KHDRBS2: variants seen among roughly 807,000 people sequenced by gnomAD.
The protein encoded by KHDRBS2 is KH RNA binding domain containing, signal transduction associated 2.
Under a neutral mutation model 44.3 loss-of-function variants are expected in KHDRBS2, and 26 were observed. The observed-to-expected ratio is 0.59, with a 90% CI of 0.43 to 0.81. The LOEUF is 0.81. KHDRBS2 is among the 40% of genes least tolerant of loss of function. The probability of loss-of-function intolerance (pLI) is 0.00; values close to 1 mark genes in which losing one functional copy is unlikely to be tolerated. For missense variants in KHDRBS2, 476 were observed against 433.1 expected (o/e 1.10, Z -0.88); for synonymous variants, 194 against 151.1 (o/e 1.28, Z -2.08).
intron 6 of KHDRBS2, among the ~76,000 whole-genome samples, chr6:61,892,319 A>G (rs1455464578): frequency 6.6e-6 from 1 of 152,222 alleles, no homozygotes; most frequent in Non-Finnish European, 1.5e-5. Flanking sequence ...GAAAATGGCC[A>G]TACTGTCCAA....
the KHDRBS2 span, among the ~76,000 whole-genome samples, chr6:61,572,543 C>T: frequency 6.6e-6 from 1 of 152,140 alleles, no homozygotes; most frequent in East Asian, 1.9e-4. Flanking sequence ...ATCAATATCC[C>T]TGATGAATAC....
chr6:61,844,665 GA>G (rs1312532396), intron 6 of KHDRBS2, among the ~76,000 whole-genome samples: 3 of 152,098 alleles, frequency 2.0e-5, no homozygotes, highest in Non-Finnish European at 4.4e-5. Flanking sequence ...GCACAAAGTA[GA>G]AATTCAATCA....
the KHDRBS2 span, among the ~76,000 whole-genome samples, chr6:61,670,067 C>A: frequency 2.0e-5 from 3 of 151,324 alleles, no homozygotes; most frequent in African/African-American, 7.3e-5. Context: ...AATCTATTAA[C>A]AGCTATCTCT....
chr6:61,827,409 G>C (rs1286303523), intron 6 of KHDRBS2, among the ~76,000 whole-genome samples: 1 of 152,152 alleles, frequency 6.6e-6, no homozygotes, highest in African/African-American at 2.4e-5. Context: ...TGGACCTCCA[G>C]GTAAGCTGAC....
the KHDRBS2 span, among the ~76,000 whole-genome samples, chr6:61,580,773 G>T: frequency 6.6e-6 from 1 of 151,990 alleles, no homozygotes; most frequent in Non-Finnish European, 1.5e-5. Flanking sequence ...ACCAGGGACC[G>T]ACCGGTCCGG....
chr6:61,778,909 T>G (rs555517094), intron 6 of KHDRBS2, among the ~76,000 whole-genome samples: 45 of 152,346 alleles, frequency 3.0e-4, no homozygotes, highest in Admixed American at 6.5e-4. Context: ...TCCACTGCTT[T>G]GCTCACTGAC....
chr6:61,644,533 G>A, the KHDRBS2 span, among the ~76,000 whole-genome samples: 3 of 152,120 alleles, frequency 2.0e-5, no homozygotes, highest in Non-Finnish European at 4.4e-5. Context: ...CAGAATGGGA[G>A]AAAGTATTTA....
At chr6:61,615,883 G>T in the KHDRBS2 span, among the ~76,000 whole-genome samples, 2 of 152,188 alleles carry the variant, frequency 1.3e-5, no homozygotes, top group Non-Finnish European at 2.9e-5. Context: ...AAAAATTAGA[G>T]ATATGGCCCA....
chr6:61,654,361 A>C, the KHDRBS2 span, among the ~76,000 whole-genome samples: 3 of 151,942 alleles, frequency 2.0e-5, no homozygotes, highest in African/African-American at 7.2e-5. Context: ...TCAAGGTAGA[A>C]TCATCATTTA....
At chr6:62,244,769 G>C (rs1426252093) in intron 1 of KHDRBS2, among the ~76,000 whole-genome samples, 1 of 152,030 alleles carries the variant, frequency 6.6e-6, no homozygotes, top group African/African-American at 2.4e-5. Flanking sequence ...TGTATCTACT[G>C]TCAGGTCTTT....
rs1766215210 is a variant in KHDRBS2, at chr6:61,680,839, G to A, written c.*124C>T. The A allele has an allele frequency of 3.3e-6, 2 of 613,622 alleles. No individual in the cohort carries two copies. The highest frequency in any genetic ancestry group is 5.9e-6 in the Non-Finnish European group (2 of 339,936). 38.0% of individuals were successfully genotyped at this position (613,622 alleles called of 1,614,324 possible). A position where few individuals can be genotyped will look rare whatever the true frequency, so the allele number is the denominator to read the frequency against. On this transcript the variant is annotated 3_prime_UTR_variant, in exon 9 of 9. Transcript: ENST00000281156. ...TAGAAATATATGGGAGTAATCATGA[G>A]CAGTTATCCCTAGAATAGAAACAAA...
At chr6:61,545,737 A>G in the KHDRBS2 span, among the ~76,000 whole-genome samples, 2 of 151,886 alleles carry the variant, frequency 1.3e-5, no homozygotes, top group Non-Finnish European at 2.9e-5. Flanking sequence ...TTCCAGAGTG[A>G]GTGTATTTGG....
At chr6:62,080,904 T>C (rs1039659253) in intron 2 of KHDRBS2, among the ~76,000 whole-genome samples, 8 of 152,238 alleles carry the variant, frequency 5.3e-5, no homozygotes, top group Non-Finnish European at 1.0e-4. Flanking sequence ...ACAGCTCCCT[T>C]ATGGCAGCCT....
intron 3 of KHDRBS2, among the ~76,000 whole-genome samples, chr6:62,023,767 G>A (rs1278395193): frequency 6.6e-6 from 1 of 151,172 alleles, no homozygotes; most frequent in Non-Finnish European, 1.5e-5. Flanking sequence ...AGAATTTAGA[G>A]TAAGACTGTA....
At chr6:61,605,772 C>A in the KHDRBS2 span, among the ~76,000 whole-genome samples, 4 of 152,154 alleles carry the variant, frequency 2.6e-5, no homozygotes, top group African/African-American at 9.7e-5. Flanking sequence ...ACCACCCCAA[C>A]ACTTTACCAC....
intron 2 of KHDRBS2, 45 bp from the exon 3 acceptor site, chr6:62,048,039 A>G: frequency 9.1e-7 from 1 of 1,094,088 alleles, no homozygotes; most frequent in Non-Finnish European, 1.4e-6. Flanking sequence ...GGTACAATAA[A>G]GTGATTATTT....
intron 1 of KHDRBS2, among the ~76,000 whole-genome samples, chr6:62,191,621 C>A (rs1216146264): frequency 6.6e-6 from 1 of 152,104 alleles, no homozygotes; most frequent in Admixed American, 6.6e-5. Context: ...TAAACTCAGT[C>A]AGGCCCACCC....
chr6:62,043,439 T>C (rs1191766382), intron 3 of KHDRBS2, among the ~76,000 whole-genome samples: 1 of 152,130 alleles, frequency 6.6e-6, no homozygotes, highest in Admixed American at 6.6e-5. Context: ...ATGCTGTATA[T>C]TTTCCTTTCT....
chr6:61,994,650 G>A (rs182312360), intron 3 of KHDRBS2, among the ~76,000 whole-genome samples: 366 of 152,166 alleles, frequency 2.4e-3, no homozygotes, highest in Non-Finnish European at 4.3e-3. Context: ...AATAAATTCT[G>A]GTATGAGATA....
Sources: allele counts gnomAD v4.1 joint callset (sites outside exome capture counted in the v4.1 genomes callset), GRCh38; gene constraint gnomAD v4.1.1; transcripts MANE v1.5; gene names NCBI Gene and HGNC (gene_info 2026-07-23, HGNC 2026-07-21).